Variants in VAV1 observed in about 807,000 individuals in gnomAD.
VAV1 encodes the protein vav guanine nucleotide exchange factor 1, also known as proto-oncogene vav.
In VAV1, 33 loss-of-function variants were observed where a neutral mutation model predicts 128.1. That is an observed-to-expected ratio of 0.26 (90% CI 0.20 to 0.34). The LOEUF is 0.34. Ranked by LOEUF, VAV1 falls within the 10% of genes least tolerant of loss-of-function variation. VAV1 has a pLI of 1.00. For missense variants in VAV1, 715 were observed against 1,093.7 expected, an observed-to-expected ratio of 0.65 and a Z score of 4.88; for synonymous variants, 394 against 409.8, an observed-to-expected ratio of 0.96 and a Z score of 0.47.
chr19:6,774,881 A>G (rs185018549), intron 1 of VAV1, among the ~76,000 whole-genome samples: 230 of 150,878 alleles, frequency 1.5e-3, no homozygotes, highest in African/African-American at 5.5e-3. Flanking sequence ...CAGCCTCCCA[A>G]GTAGCTGCGA....
intron 20 of VAV1, among the ~76,000 whole-genome samples, 187 bp from the exon 21 acceptor site, chr19:6,836,798 A>T (rs1330299973): frequency 6.6e-6 from 1 of 150,804 alleles, no homozygotes; most frequent in Non-Finnish European, 1.5e-5. Flanking sequence ...CCTGAGATAG[A>T]TGGACAAGCA....
At chr19:6,836,874 A>T in intron 20 of VAV1, 111 bp from the exon 21 acceptor site, 5 of 594,648 alleles carry the variant, frequency 8.4e-6, no homozygotes, top group Non-Finnish European at 1.5e-5. Context: ...ACACACACAC[A>T]CACACGAGTG....
chr19:6,795,531 C>T (rs956538158), intron 1 of VAV1, among the ~76,000 whole-genome samples: 10 of 151,918 alleles, frequency 6.6e-5, no homozygotes, highest in Middle Eastern at 3.4e-3. Context: ...GGGTAAGCAG[C>T]CTGGTTCTCA....
rs560467841 is a variant in VAV1 at position 6,850,821 on chromosome 19, C to T, written c.2217+64C>T. 6.9e-4 allele frequency: 1,065 copies of T among 1,541,484 alleles called. 2 individuals are homozygous for T. The highest frequency in any genetic ancestry group is 8.7e-4 in the Non-Finnish European group (977 of 1,120,078). ...CCTAGGAGGACCCTCCCTGCACCTC[C>T]GCCTTGGGACCCCCTTTTCCCACAT... is the stretch of plus-strand genomic sequence containing the variant. On this transcript the variant is annotated intron_variant, in intron 24 of 26. Transcript: ENST00000602142.
intron 23 of VAV1, among the ~76,000 whole-genome samples, chr19:6,850,225 G>GTTTTTTTTTTTTTTTTT (rs760967154): frequency 1.8e-4 from 9 of 49,038 alleles, no homozygotes; most frequent in Non-Finnish European, 2.5e-4. Context: ...TTGTTTCTTT[G>GTTTTTTTTTTTTTTTTT]TTTTTTTTTT....
chr19:6,852,450 G>A (rs149495492), intron 24 of VAV1, among the ~76,000 whole-genome samples: 277 of 152,288 alleles, frequency 1.8e-3, no homozygotes, highest in African/African-American at 6.2e-3. Context: ...GGCCGGGCAC[G>A]GTGGCTCACG....
At chr19:6,812,033 GATGCTTATGACAA>G (rs1402151375) in intron 1 of VAV1, among the ~76,000 whole-genome samples, 2 of 152,166 alleles carry the variant, frequency 1.3e-5, no homozygotes, top group Non-Finnish European at 2.9e-5. Context: ...CCCTGAAAGT[GATGCTTATGACAA>G]ATGCTCCTAT....
intron 1 of VAV1, among the ~76,000 whole-genome samples, chr19:6,802,927 T>C (rs978274958): frequency 2.6e-5 from 4 of 152,220 alleles, no homozygotes; most frequent in African/African-American, 7.2e-5. Context: ...TGAGGTCCTC[T>C]ATTTACCCAA....
intron 21 of VAV1, among the ~76,000 whole-genome samples, chr19:6,838,428 CATCCATCCATCT>C (rs1418869302): frequency 0.025 from 3,805 of 151,296 alleles, 156 homozygotes; most frequent in African/African-American, 0.084. Flanking sequence ...TCCATCCATC[CATCCATCCATCT>C]ATCATCTATC....
chr19:6,832,668 C>T (rs1181216613), intron 15 of VAV1, among the ~76,000 whole-genome samples: 4 of 148,528 alleles, frequency 2.7e-5, no homozygotes, highest in Non-Finnish European at 4.5e-5. Flanking sequence ...CCTCCTCCTC[C>T]TCTTCCTCCT....
At chr19:6,802,151 G>C (rs865842465) in intron 1 of VAV1, among the ~76,000 whole-genome samples, 10 of 152,104 alleles carry the variant, frequency 6.6e-5, no homozygotes, top group African/African-American at 2.4e-4. Flanking sequence ...GAGAACACAT[G>C]GGCACAGGAA....
At chr19:6,833,870 G>A (rs1972153615) in intron 18 of VAV1, 38 bp from the exon 19 acceptor site, 4 of 1,614,114 alleles carry the variant, frequency 2.5e-6, no homozygotes, top group Non-Finnish European at 2.5e-6. Flanking sequence ...CCCCAGGCTG[G>A]GCATAGGTAG....
chr19:6,780,446 AGCATACT>A lies in VAV1; in HGVS notation c.204+7439_204+7445del, dbSNP rs559295571. ...ACATTTACATAAACCTAGAGGGTAC[AGCATACT>A]GCACACCTGGGCTATATGGTATAAC... On this transcript the variant is annotated intron_variant, in intron 1 of 26. Coordinates refer to ENST00000602142, the MANE Select transcript of VAV1 (RefSeq NM_005428.4). Among the ~76,000 whole-genome samples, 331 of 151,014 alleles carry A rather than the reference AGCATACT, an allele frequency of 2.2e-3. 6 individuals are homozygous for A. Among genetic ancestry groups the A allele is most frequent in the African/African-American group, 7.6e-3 (314 of 41,456 alleles).
At chr19:6,844,599 C>G (rs1599677955) in intron 22 of VAV1, among the ~76,000 whole-genome samples, 1 of 152,062 alleles carries the variant, frequency 6.6e-6, no homozygotes, top group South Asian at 2.1e-4. Context: ...TGTGGCGTCT[C>G]CCTCTTTTCA....
intron 21 of VAV1, among the ~76,000 whole-genome samples, chr19:6,842,342 G>T (rs1191202225): frequency 6.6e-6 from 1 of 152,200 alleles, no homozygotes; most frequent in Non-Finnish European, 1.5e-5. Context: ...AAGAGCCGAA[G>T]AGTAGTGTAA....
At position 6,857,140 on chromosome 19, in the gene VAV1, C is replaced by T. The variant is rs1483838065; in HGVS notation, c.*33C>T. 1.9e-6 allele frequency: 3 copies of T among 1,613,580 alleles called. No homozygotes were observed. The highest frequency in any genetic ancestry group is 2.5e-6 in the Non-Finnish European group (3 of 1,179,908). On this transcript the variant is annotated 3_prime_UTR_variant, in exon 27 of 27. Coordinates refer to ENST00000602142, the MANE Select transcript of VAV1 (RefSeq NM_005428.4). ...TGCCTTGGCAGAGAGACGAGAAACT[C>T]CAGGCTCTGAGCCCGGCGTGGGCAG...
intron 21 of VAV1, among the ~76,000 whole-genome samples, chr19:6,839,845 C>A (rs1448997637): frequency 5.3e-5 from 8 of 152,078 alleles, no homozygotes; most frequent in Non-Finnish European, 1.5e-5. Context: ...TGCATACCAC[C>A]ATGCCTGGCT....
rs780031060 is a variant in VAV1, at chr19:6,828,380, G to A, written c.1024-39G>A. On this transcript the variant is annotated intron_variant, in intron 10 of 26. Coordinates refer to ENST00000602142, the MANE Select transcript of VAV1 (RefSeq NM_005428.4). This position sits in a 1 kb window ranked among gnomAD's most constrained non-coding sequence, Gnocchi z 4.5. The stretch of plus-strand genomic sequence containing the variant: ...AAGGCCCTCCCCGCAGGGAGAAGGG[G>A]AGGGGCCCAGGTGACGTCTGACGTC... 2 of 1,613,326 alleles carry A rather than the reference G, an allele frequency of 1.2e-6. No homozygotes were observed. Among genetic ancestry groups the A allele is most frequent in the African/African-American group, 2.7e-5 (2 of 75,026 alleles).
chr19:6,847,919 G>A lies in VAV1; in HGVS notation c.2013-79G>A, dbSNP rs533536965. 46 of 1,323,332 alleles carry A rather than the reference G, an allele frequency of 3.5e-5. No homozygotes were observed. In the African/African-American group the frequency reaches 7.1e-4, roughly 20 times the overall value. The allele number at this position is 1,323,332 out of a possible 1,614,324, so 82.0% of individuals were successfully genotyped here. On this transcript the variant is annotated intron_variant, in intron 22 of 26. Transcript: ENST00000602142. ...TTAAAAAATCAAAGGGGTTCAGGGG[G>A]AAAGGCAACCTCCATATGGCAATAT...
Sources: allele counts gnomAD v4.1 joint callset (sites outside exome capture counted in the v4.1 genomes callset), GRCh38; gene constraint gnomAD v4.1.1; non-coding constraint Gnocchi (gnomAD v3.1); transcripts MANE v1.5; gene names NCBI Gene and HGNC (gene_info 2026-07-23, HGNC 2026-07-21).